Variants in DSCAM observed in about 807,000 individuals in gnomAD.
DSCAM encodes the protein DS cell adhesion molecule.
Under a neutral mutation model 217.7 loss-of-function variants are expected in DSCAM, and 47 were observed. The observed-to-expected ratio is 0.22, with a 90% confidence interval of 0.17 to 0.28. The LOEUF (loss-of-function observed/expected upper bound fraction) is 0.28. Ranked by LOEUF, DSCAM falls within the 10% of genes least tolerant of loss-of-function variation. The probability of loss-of-function intolerance (pLI) is 1.00; values close to 1 mark genes in which losing one functional copy is unlikely to be tolerated. For synonymous variants in DSCAM, 1,056 were observed against 1,015.3 expected (o/e 1.04, Z -0.76); for missense variants, 2,080 against 2,618.3 (o/e 0.79, Z 4.49).
chr21:40,203,827 T>C (rs1160072655), intron 11 of DSCAM, among the ~76,000 whole-genome samples: 1 of 152,180 alleles, frequency 6.6e-6, no homozygotes, highest in Non-Finnish European at 1.5e-5. Flanking sequence ...TAGGCAAGGA[T>C]TGTAAGAAAA....
chr21:40,357,986 CA>C (rs918802065), intron 4 of DSCAM, among the ~76,000 whole-genome samples: 21 of 152,110 alleles, frequency 1.4e-4, no homozygotes, highest in African/African-American at 4.3e-4. Flanking sequence ...AAAATAGCTG[CA>C]AAATCTGTCA....
At chr21:40,714,590 TGTTCC>T (rs2090821195) in intron 1 of DSCAM, among the ~76,000 whole-genome samples, 1 of 152,240 alleles carries the variant, frequency 6.6e-6, no homozygotes, top group African/African-American at 2.4e-5. Context: ...ATGTCCATCC[TGTTCC>T]TGTCTCACCA....
At chr21:40,671,097 T>A (rs1181023800) in intron 3 of DSCAM, among the ~76,000 whole-genome samples, 3 of 152,122 alleles carry the variant, frequency 2.0e-5, no homozygotes, top group African/African-American at 7.2e-5. Flanking sequence ...ACATCCACAG[T>A]CTAGTCACAT....
chr21:40,363,021 C>G (rs1042420833), intron 4 of DSCAM, among the ~76,000 whole-genome samples: 3 of 152,112 alleles, frequency 2.0e-5, no homozygotes, highest in Non-Finnish European at 2.9e-5. Context: ...GACAAGACCC[C>G]ATTCATGTTT....
intron 11 of DSCAM, among the ~76,000 whole-genome samples, chr21:40,269,399 C>A (rs2073584911): frequency 6.6e-6 from 1 of 152,178 alleles, no homozygotes; most frequent in Non-Finnish European, 1.5e-5. Context: ...TTGATGGGTC[C>A]CGGCCAGGGC....
At chr21:40,746,336 C>A (rs2091174076) in intron 1 of DSCAM, among the ~76,000 whole-genome samples, 1 of 139,204 alleles carries the variant, frequency 7.2e-6, no homozygotes, top group African/African-American at 2.7e-5. Flanking sequence ...CATGCACAGA[C>A]TAAAGAGATG....
chr21:40,118,520 G>C (rs1051032926), intron 20 of DSCAM, among the ~76,000 whole-genome samples: 33 of 152,170 alleles, frequency 2.2e-4, no homozygotes, highest in African/African-American at 7.7e-4. Context: ...CTGGGAGGTG[G>C]AGGTTGCAGT....
intron 3 of DSCAM, among the ~76,000 whole-genome samples, chr21:40,668,977 C>A (rs73220267): frequency 6.6e-6 from 1 of 152,134 alleles, no homozygotes; most frequent in African/African-American, 2.4e-5. Flanking sequence ...ATATCACCTC[C>A]GTGCCAAACA....
At chr21:40,123,497 T>C (rs2090057742) in intron 20 of DSCAM, among the ~76,000 whole-genome samples, 1 of 152,196 alleles carries the variant, frequency 6.6e-6, no homozygotes. Flanking sequence ...TGTTTTCTTT[T>C]CTTTAAAATT....
chr21:40,268,572 G>C (rs1438804991), intron 11 of DSCAM, among the ~76,000 whole-genome samples: 2 of 151,794 alleles, frequency 1.3e-5, no homozygotes, highest in African/African-American at 4.9e-5. Context: ...TTAGTTGCTT[G>C]GTAGAAGGGT....
intron 3 of DSCAM, among the ~76,000 whole-genome samples, chr21:40,428,232 CTTTGTGTGTGTGTGTGTGTGTG>C (rs995249161): frequency 2.3e-5 from 3 of 129,434 alleles, no homozygotes; most frequent in African/African-American, 8.8e-5. Flanking sequence ...AGGGCAAATA[CTTTGTGTGTGTGTGTGTGTGTG>C]TGTGTGTGTG....
chr21:40,053,504 G>A (rs1270977937), intron 29 of DSCAM, among the ~76,000 whole-genome samples: 1 of 152,216 alleles, frequency 6.6e-6, no homozygotes, highest in Admixed American at 6.5e-5. Flanking sequence ...GATCTGCGGG[G>A]CTAGGTTACA....
At chr21:40,676,285 A>G (rs2090336407) in intron 3 of DSCAM, among the ~76,000 whole-genome samples, 1 of 152,214 alleles carries the variant, frequency 6.6e-6, no homozygotes. Context: ...AGGAAAATAC[A>G]CATGTTCAGG....
At chr21:40,240,349 G>GATT (rs2073133501) in intron 11 of DSCAM, among the ~76,000 whole-genome samples, 1 of 57,722 alleles carries the variant, frequency 1.7e-5, no homozygotes, top group African/African-American at 7.7e-5. Context: ...TTCCTCACTG[G>GATT]TTTTTTTTTT....
rs768968535 is a variant in DSCAM at position 40,144,535 on chromosome 21, G to C, written c.3215C>G (p.Thr1072Arg). The C allele has an allele frequency of 1.9e-6, 3 of 1,614,214 alleles. No homozygotes were observed. The highest frequency in any genetic ancestry group is 2.2e-5 in the South Asian group (2 of 91,084). Residue 1072 changes from threonine (T) to arginine (R), a missense_variant, in exon 17 of 33, where the codon ACG becomes AGG. By Grantham distance (71) the Thr-to-Arg change is moderately conservative. Coordinates refer to ENST00000400454, the MANE Select transcript of DSCAM (RefSeq NM_001389.5). The surrounding 1 kb of genome is among the most constrained non-coding windows in gnomAD (Gnocchi z 4.8). ...LVVQACNRAG[T>R]GPSSQEIITT... ...GATGATTTCCTGAGAAGAAGGCCCC[G>C]TGCCGGCCCGGTTACAGGCCTGCAC...
At chr21:40,398,737 C>A (rs191889031) in intron 3 of DSCAM, among the ~76,000 whole-genome samples, 1 of 150,220 alleles carries the variant, frequency 6.7e-6, no homozygotes. Context: ...TGGGTTCAAG[C>A]GATTCTACTG....
intron 1 of DSCAM, among the ~76,000 whole-genome samples, chr21:40,712,550 A>G (rs1433341628): frequency 6.6e-6 from 1 of 151,558 alleles, no homozygotes; most frequent in African/African-American, 2.4e-5. Flanking sequence ...TAAACTTCAC[A>G]TATTCAATGG....
intron 3 of DSCAM, among the ~76,000 whole-genome samples, chr21:40,376,648 CGATATCTATATATCTTATATA>C (rs1569093207): frequency 2.7e-4 from 39 of 141,956 alleles, no homozygotes; most frequent in African/African-American, 1.0e-3. Context: ...ATATAGATAT[CGATATCTATATATCTTATATA>C]GATATCTATA....
intron 1 of DSCAM, among the ~76,000 whole-genome samples, chr21:40,818,786 T>C (rs900759519): frequency 6.6e-6 from 1 of 152,014 alleles, no homozygotes; most frequent in Non-Finnish European, 1.5e-5. Flanking sequence ...TGATAAAATC[T>C]AAGAGAACGA....
Sources: allele counts gnomAD v4.1 joint callset (sites outside exome capture counted in the v4.1 genomes callset), GRCh38; gene constraint gnomAD v4.1.1; non-coding constraint Gnocchi (gnomAD v3.1); transcripts MANE v1.5; gene names NCBI Gene and HGNC (gene_info 2026-07-23, HGNC 2026-07-21).